CSE1L: variants seen among roughly 807,000 people sequenced by gnomAD.
The protein encoded by CSE1L is exportin-2.
CSE1L carries 24 observed loss-of-function variants against 120.4 expected under a neutral mutation model. The ratio of observed to expected loss-of-function variants is 0.20; its 90% CI spans 0.14 to 0.28. The LOEUF (loss-of-function observed/expected upper bound fraction) is 0.28, where lower values mean the gene tolerates loss of function less well. Ranked by LOEUF, CSE1L falls within the 10% of genes least tolerant of loss-of-function variation. The probability of loss-of-function intolerance (pLI) is 1.00; values close to 1 mark genes in which losing one functional copy is unlikely to be tolerated. For missense variants in CSE1L, 830 were observed against 1,145.2 expected (o/e 0.72, Z 3.97); for synonymous variants, 402 against 398.3 (o/e 1.01, Z -0.11).
chr20:49,077,768 G>A (rs1843493529), intron 13 of CSE1L, among the ~76,000 whole-genome samples: 1 of 152,192 alleles, frequency 6.6e-6, no homozygotes, highest in Non-Finnish European at 1.5e-5. Context: ...CACTTTGGGA[G>A]ACTGAGGCGG....
chr20:49,091,114 G>A (rs557619071), intron 21 of CSE1L, 92 bp downstream of exon 21: 20 of 933,382 alleles, frequency 2.1e-5, no homozygotes, highest in African/African-American at 1.2e-4. Flanking sequence ...TTTTTTATCC[G>A]TTTTAAACTT....
chr20:49,080,199 G>A lies in CSE1L; in HGVS notation c.1482+1577G>A, dbSNP rs117547317. On this transcript the variant is annotated intron_variant, in intron 14 of 24. Coordinates refer to ENST00000262982, the MANE Select transcript of CSE1L (RefSeq NM_001316.4). ...GGGGGTGACACAAGAAAGCATCATA[G>A]GTATACTTTCTGTTTCATTTTATCA... Among the ~76,000 whole-genome samples, 736 of 151,978 alleles carry A rather than the reference G, an allele frequency of 4.8e-3. 2 individuals are homozygous for A. Among genetic ancestry groups the A allele is most frequent in the Non-Finnish European group, 8.3e-3 (562 of 67,954 alleles).
At position 49,089,523 on chromosome 20, in the gene CSE1L, T is replaced by C; in HGVS notation, c.1973-15T>C. 1 of 1,613,850 alleles carries C rather than the reference T, an allele frequency of 6.2e-7. No homozygotes were observed. The highest frequency in any genetic ancestry group is 8.5e-7 in the Non-Finnish European group (1 of 1,179,744). ...CTTCTGAAGCTCACAGCTCTGTTTT[T>C]ACTTTTATCAACAGAATTTATTCCA... On this transcript the variant is annotated splice_polypyrimidine_tract_variant and intron_variant, in intron 18 of 24. Transcript: ENST00000262982.
In CSE1L at chr20:49,089,600, C is replaced by T. The variant is rs1357340163; in HGVS notation, c.2035C>T (p.Pro679Ser). Residue 679 changes from proline (P) to serine (S), a missense_variant, in exon 19 of 25, where the codon CCG (proline) becomes TCG (serine). Around this residue, in one of 4 missense-constraint regions of CSE1L, gnomAD observed 168 missense variants for 267.9 expected, o/e 0.63. Coordinates refer to ENST00000262982, the MANE Select transcript of CSE1L (RefSeq NM_001316.4). ...TCTGGAAACACACAAAAATGACATCCCGTCTTCCTATATGGCCTTATTTCC... is the reference window on the plus strand; with the variant it reads ...TCTGGAAACACACAAAAATGACATCTCGTCTTCCTATATGGCCTTATTTCC... ...LLLETHKNDI[P>S]SSYMALFPHL... 4 of 1,613,962 alleles carry T rather than the reference C, an allele frequency of 2.5e-6. No individual in the cohort carries two copies. In the Admixed American group the frequency reaches 6.7e-5, roughly 27 times the overall value.
chr20:49,094,203 A>G lies in CSE1L; in HGVS notation c.2511A>G (p.Val837=). Residue 837 remains valine (V), a synonymous_variant, in exon 23 of 25, where the codon GTA becomes GTG. Transcript: ENST00000262982. ...IPEIQKVSGN[V]EKKICAVGIT... is the part of the protein sequence containing the mutation. ...AAATTCAGAAGGTATCTGGAAATGT[A>G]GAGAAAAAGATCTGTGCGGTTGGCA... is the stretch of plus-strand genomic sequence containing the variant. 6.2e-7 allele frequency: 1 copy of G among 1,606,812 alleles called. No homozygotes were observed. The highest frequency in any genetic ancestry group is 2.2e-5 in the East Asian group (1 of 44,792).
intron 14 of CSE1L, among the ~76,000 whole-genome samples, chr20:49,083,298 C>T (rs1448415607): frequency 1.3e-5 from 2 of 152,202 alleles, no homozygotes; most frequent in African/African-American, 2.4e-5. Flanking sequence ...GGATTACAGG[C>T]GTGAGCCGCC....
At chr20:49,092,319 G>A (rs567244857) in intron 22 of CSE1L, among the ~76,000 whole-genome samples, 192 bp downstream of exon 22, 4 of 152,042 alleles carry the variant, frequency 2.6e-5, no homozygotes, top group African/African-American at 7.2e-5. Context: ...GCTCACGCCC[G>A]TAATCCCACA....
chr20:49,057,874 C>T (rs1456614912), intron 1 of CSE1L, among the ~76,000 whole-genome samples: 2 of 152,200 alleles, frequency 1.3e-5, no homozygotes, highest in Non-Finnish European at 1.5e-5. Context: ...TCAGGTGATC[C>T]GCCTGCCTCA....
chr20:49,077,479 T>C (rs1255503568), intron 13 of CSE1L, among the ~76,000 whole-genome samples: 1 of 152,120 alleles, frequency 6.6e-6, no homozygotes, highest in Non-Finnish European at 1.5e-5. Context: ...TTTTATTGAA[T>C]AAAATCTCAA....
chr20:49,073,788 G>T (rs562287579), intron 10 of CSE1L, among the ~76,000 whole-genome samples: 1 of 152,152 alleles, frequency 6.6e-6, no homozygotes, highest in African/African-American at 2.4e-5. Context: ...GCCAGGCCAA[G>T]ATTTTGTTTT....
At chr20:49,049,968 A>G (rs969252610) in intron 1 of CSE1L, among the ~76,000 whole-genome samples, 1 of 152,156 alleles carries the variant, frequency 6.6e-6, no homozygotes, top group Non-Finnish European at 1.5e-5. Flanking sequence ...CAGAGGTTTC[A>G]GTGGGCCAGA....
Position 49,072,595 on chromosome 20 carries a change from G to A in CSE1L, c.964G>A (p.Ala322Thr), listed in dbSNP as rs2091941049. Residue 322 changes from alanine (A) to threonine (T), a missense_variant, in exon 10 of 25, where the codon GCT (alanine) becomes ACT (threonine). Transcript: ENST00000262982. ...GGTAAGTAATGCAATTCAATTTCTG[G>A]CTTCAGTTTGTGAGAGACCTCATTA... ...LLVSNAIQFL[A>T]SVCERPHYKN... 6.2e-7 allele frequency: 1 copy of A among 1,611,550 alleles called. No homozygotes were observed. Among genetic ancestry groups the A allele is most frequent in the African/African-American group, 1.3e-5 (1 of 74,906 alleles).
intron 13 of CSE1L, 89 bp downstream of exon 13, chr20:49,077,153 C>CTTT (rs11439721): frequency 0.013 from 5,294 of 400,136 alleles, 3 homozygotes; most frequent in Middle Eastern, 0.02. Flanking sequence ...CCCTTTTGTT[C>CTTT]TTTTTTTTTT....
At chr20:49,069,837 G>C (rs2081243992) in intron 7 of CSE1L, among the ~76,000 whole-genome samples, 2 of 152,204 alleles carry the variant, frequency 1.3e-5, no homozygotes, top group Admixed American at 1.3e-4. Flanking sequence ...AAGACAATTA[G>C]TTTATCTGCC....
At chr20:49,092,861 CG>C (rs1367695647) in intron 22 of CSE1L, among the ~76,000 whole-genome samples, 1 of 150,802 alleles carries the variant, frequency 6.6e-6, no homozygotes, top group Admixed American at 6.6e-5. Context: ...TTTAAAAAAT[CG>C]TGCTAATCCA....
rs760623788 is a variant in CSE1L, at chr20:49,058,475, C to A, written c.12C>A (p.Ser4Arg). 6.2e-7 allele frequency: 1 copy of A among 1,612,368 alleles called. No homozygotes were observed. Among genetic ancestry groups the A allele is most frequent in the Non-Finnish European group, 8.5e-7 (1 of 1,178,934 alleles). Residue 4 changes from serine to arginine, a missense_variant, in exon 2 of 25, where the codon AGC becomes AGA. Transcript: ENST00000262982. ...TAGATCCTATAGCAATGGAACTCAG[C>A]GATGCAAATCTGCAAACACTAACAG... MEL[S>R]DANLQTLTEY... is the part of the protein sequence containing the mutation.
chr20:49,086,936 A>T (rs1201911932), intron 16 of CSE1L, among the ~76,000 whole-genome samples: 1 of 152,170 alleles, frequency 6.6e-6, no homozygotes, highest in Non-Finnish European at 1.5e-5. Flanking sequence ...CAATCTGTTG[A>T]AGGGTGGATG....
intron 19 of CSE1L, among the ~76,000 whole-genome samples, 153 bp from the exon 20 acceptor site, chr20:49,090,589 G>T (rs1401381467): frequency 6.6e-6 from 1 of 152,074 alleles, no homozygotes. Flanking sequence ...ATGGCTACGC[G>T]GGAGGAATTG....
intron 3 of CSE1L, among the ~76,000 whole-genome samples, chr20:49,063,834 A>G (rs1246436456): frequency 2.6e-5 from 4 of 152,276 alleles, no homozygotes; most frequent in Non-Finnish European, 4.4e-5. Context: ...AAACATTTGC[A>G]GAATGCAAAA....
Sources: allele counts gnomAD v4.1 joint callset (sites outside exome capture counted in the v4.1 genomes callset), GRCh38; gene constraint gnomAD v4.1.1; regional missense constraint gnomAD v4.1.1; transcripts MANE v1.5; gene names NCBI Gene and HGNC (gene_info 2026-07-23, HGNC 2026-07-21).